SGK1: variants seen among roughly 807,000 people sequenced by gnomAD.
The protein encoded by SGK1 is serum/glucocorticoid regulated kinase 1.
In SGK1, 26 loss-of-function variants were observed where a neutral mutation model predicts 64.2. The ratio of observed to expected loss-of-function variants is 0.40; its 90% CI spans 0.30 to 0.56. The LOEUF is 0.56. Ranked by LOEUF, SGK1 falls within the 20% of genes least tolerant of loss-of-function variation. The pLI, the probability that SGK1 is intolerant of heterozygous loss-of-function variation, is 0.38. For synonymous variants in SGK1, 265 were observed against 239.7 expected, an observed-to-expected ratio of 1.11 and a Z score of -0.98; for missense variants, 519 against 645.6, an observed-to-expected ratio of 0.80 and a Z score of 2.12.
At position 134,297,906 on chromosome 6, in the gene SGK1, C is replaced by T. The variant is rs567970584; in HGVS notation, c.69+19486G>A. 150 of 806,772 alleles carry T rather than the reference C, an allele frequency of 1.9e-4. 1 individual carries two copies. The highest frequency in any genetic ancestry group is 1.8e-3 in the African/African-American group (110 of 59,574). The allele number at this position is 806,772 out of a possible 1,614,324, so 50.0% of individuals were successfully genotyped here. Reference sequence around the variant, plus strand: ...CATGCTCTCAGCCTCACTCCGGCTGCGGTTGGTGATCTCCTCGTACTGCGC... The same window carrying T: ...CATGCTCTCAGCCTCACTCCGGCTGTGGTTGGTGATCTCCTCGTACTGCGC... On this transcript the variant is annotated intron_variant, in intron 1 of 13. Coordinates refer to ENST00000367858, the MANE Select transcript of SGK1 (RefSeq NM_001143676.3).
chr6:134,218,210 G>C (rs1328223044), intron 2 of SGK1, among the ~76,000 whole-genome samples: 2 of 152,170 alleles, frequency 1.3e-5, no homozygotes, highest in Non-Finnish European at 2.9e-5. Context: ...TTAAGGGCTG[G>C]AGTCCATGTC....
chr6:134,277,322 GA>G (rs1335690304), intron 1 of SGK1, among the ~76,000 whole-genome samples: 1 of 151,918 alleles, frequency 6.6e-6, no homozygotes. Flanking sequence ...ATTCTGTCTT[GA>G]AAAAACAAAC....
intron 1 of SGK1, among the ~76,000 whole-genome samples, chr6:134,270,170 C>G (rs1776918091): frequency 6.8e-6 from 1 of 148,042 alleles, no homozygotes. Flanking sequence ...ATCCATCCAC[C>G]TTGGCCTCCC....
intron 2 of SGK1, among the ~76,000 whole-genome samples, chr6:134,250,567 C>T (rs1776592155): frequency 6.6e-6 from 1 of 152,112 alleles, no homozygotes; most frequent in African/African-American, 2.4e-5. Flanking sequence ...AGGTGTTTAT[C>T]CAAGGCTCTT....
At chr6:134,299,317 A>T (rs1777411187) in intron 1 of SGK1, among the ~76,000 whole-genome samples, 1 of 152,032 alleles carries the variant, frequency 6.6e-6, no homozygotes, top group Admixed American at 6.6e-5. Flanking sequence ...GTGAGCTGTG[A>T]TTGTGCCACT....
Position 134,183,225 on chromosome 6 carries a change from CAT to C in SGK1, c.362-8641_362-8640del, listed in dbSNP as rs1321673194. Reference sequence around the variant, plus strand: ...TTTGGGGTAACATGGTATTTTGAAACATGTATACAATGTGTAATGATGAAATT... The same window carrying C: ...TTTGGGGTAACATGGTATTTTGAAACGTATACAATGTGTAATGATGAAATT... On this transcript the variant is annotated intron_variant, in intron 3 of 13. Transcript: ENST00000367858. 2.0e-5 allele frequency among the ~76,000 whole-genome samples: 3 copies of C among 152,146 alleles called. No individual in the cohort carries two copies. In the East Asian group the frequency reaches 5.8e-4, roughly 29 times the overall value.
At position 134,173,311 on chromosome 6, in the gene SGK1, T is replaced by C; in HGVS notation, c.665A>G (p.Lys222Arg). Residue 222 changes from lysine (K) to arginine (R), a missense_variant, in exon 7 of 14, where the codon AAA (lysine) becomes AGA (arginine). Lys to Arg is a conservative substitution (Grantham distance 26). Transcript: ENST00000367858. The stretch of plus-strand genomic sequence containing the variant: ...CAGGATTGCTTTCTTCTGTAAAACT[T>C]TGACTGCATAGAACACTTCTTCTGC... Reference protein sequence around the residue: ...HKAEEVFYAVKVLQKKAILKK... With the variant: ...HKAEEVFYAVRVLQKKAILKK... 2 of 1,613,984 alleles carry C rather than the reference T, an allele frequency of 1.2e-6. No homozygotes were observed. Among genetic ancestry groups the C allele is most frequent in the African/African-American group, 1.3e-5 (1 of 75,054 alleles).
At chr6:134,173,182 G>A in intron 7 of SGK1, 28 bp from the exon 8 acceptor site, 2 of 1,610,774 alleles carry the variant, frequency 1.2e-6, no homozygotes, top group Non-Finnish European at 1.7e-6. Context: ...CAGATTTAGT[G>A]GCATGTTTCA....
intron 2 of SGK1, among the ~76,000 whole-genome samples, chr6:134,254,868 A>T (rs1434787962): frequency 2.7e-5 from 4 of 149,484 alleles, no homozygotes; most frequent in Admixed American, 6.7e-5. Context: ...TACAAATCTC[A>T]TTTTTTTTTT....
chr6:134,172,513 CTTAAG>C, intron 9 of SGK1, 144 bp downstream of exon 9: 1 of 784,046 alleles, frequency 1.3e-6, no homozygotes, highest in Non-Finnish European at 2.1e-6. Context: ...CCCCTTGGCA[CTTAAG>C]TCAAGCCAGC....
intron 3 of SGK1, among the ~76,000 whole-genome samples, chr6:134,180,593 C>A (rs925889807): frequency 2.0e-5 from 3 of 151,934 alleles, no homozygotes; most frequent in Admixed American, 2.0e-4. Context: ...ACTGTGGTGG[C>A]CAGGTGCAGG....
intron 3 of SGK1, among the ~76,000 whole-genome samples, chr6:134,203,141 G>C (rs867322968): frequency 1.3e-5 from 2 of 152,190 alleles, no homozygotes; most frequent in Non-Finnish European, 2.9e-5. Context: ...TACCTGGGAG[G>C]CTGAGACAGG....
intron 2 of SGK1, among the ~76,000 whole-genome samples, chr6:134,214,345 A>G (rs4896025): frequency 0.79 from 120,347 of 152,134 alleles, 48,315 homozygotes; most frequent in South Asian, 0.92. Flanking sequence ...AATCTCAGCA[A>G]TTTGGGAGGC....
chr6:134,213,182 C>T (rs1223613616), intron 2 of SGK1, among the ~76,000 whole-genome samples: 1 of 152,164 alleles, frequency 6.6e-6, no homozygotes, highest in Non-Finnish European at 1.5e-5. Flanking sequence ...TGCTCTATAA[C>T]TCCTATAGCT....
chr6:134,313,818 G>A (rs1037610372), intron 1 of SGK1, among the ~76,000 whole-genome samples: 12 of 152,246 alleles, frequency 7.9e-5, no homozygotes, highest in South Asian at 4.1e-4. Context: ...TATCGAGTTG[G>A]AGACAATGTC....
intron 2 of SGK1, among the ~76,000 whole-genome samples, chr6:134,213,090 C>G (rs568352335): frequency 1.3e-5 from 2 of 152,280 alleles, no homozygotes; most frequent in Non-Finnish European, 1.5e-5. Flanking sequence ...CGGCAAATTA[C>G]CCGGAGAGCT....
chr6:134,211,663 T>G (rs1291857529), intron 2 of SGK1: 1 of 151,968 alleles, frequency 6.6e-6, no homozygotes, highest in Non-Finnish European at 1.5e-5. Context: ...GCTAGCTCTT[T>G]GCACGTAAAA....
chr6:134,207,024 G>A (rs1355563768), intron 3 of SGK1, among the ~76,000 whole-genome samples: 4 of 152,064 alleles, frequency 2.6e-5, no homozygotes, highest in Non-Finnish European at 5.9e-5. Flanking sequence ...AGGAGATCGA[G>A]ACCATCCTGG....
intron 1 of SGK1, chr6:134,297,144 T>A (rs367924629): frequency 1.3e-5 from 8 of 595,454 alleles, no homozygotes; most frequent in Admixed American, 9.7e-5. Flanking sequence ...GAGGCCCCCA[T>A]AGGCTGAGCA....
Sources: gnomAD v4.1 joint callset for allele counts (sites outside exome capture counted in the v4.1 genomes callset) on GRCh38, gnomAD v4.1.1 for gene constraint, MANE v1.5 for transcripts, NCBI Gene and HGNC (gene_info 2026-07-23, HGNC 2026-07-21) for gene names.